The following DTNA variants were observed in gnomAD, a reference collection of about 807,000 sequenced individuals.
DTNA encodes dystrobrevin alpha.
In DTNA, 43 loss-of-function variants were observed where a neutral mutation model predicts 100.7. The observed-to-expected ratio is 0.43, with a 90% CI of 0.33 to 0.55. The LOEUF is 0.55. DTNA is among the 20% of genes least tolerant of loss of function. The pLI, the probability that DTNA is intolerant of heterozygous loss-of-function variation, is 0.04. For synonymous variants in DTNA, 349 were observed against 347.9 expected, an observed-to-expected ratio of 1.00 and a Z score of -0.04; for missense variants, 798 against 953.9, an observed-to-expected ratio of 0.84 and a Z score of 2.15.
chr18:34,801,013 T>G (rs16965970), intron 4 of DTNA, among the ~76,000 whole-genome samples: 18,736 of 152,162 alleles, frequency 0.12, 1,254 homozygotes, highest in African/African-American at 0.17. Flanking sequence ...CAAGTCAAAT[T>G]TTGAAGTAAT....
chr18:34,674,658 A>G (rs2077178032), intron 1 of DTNA, among the ~76,000 whole-genome samples: 1 of 152,224 alleles, frequency 6.6e-6, no homozygotes, highest in South Asian at 2.1e-4. Flanking sequence ...GCCACTCTGT[A>G]CAGGAACCAG....
chr18:34,760,953 C>T (rs2093114176), intron 2 of DTNA, among the ~76,000 whole-genome samples: 2 of 152,140 alleles, frequency 1.3e-5, no homozygotes, highest in African/African-American at 4.8e-5. Flanking sequence ...ACTATCTTCA[C>T]CCATCAACAA....
intron 1 of DTNA, among the ~76,000 whole-genome samples, chr18:34,755,069 T>A (rs1048516591): frequency 2.0e-5 from 3 of 152,186 alleles, no homozygotes; most frequent in Non-Finnish European, 2.9e-5. Flanking sequence ...CAGAAGTCAG[T>A]GTGGTAGACA....
At chr18:34,623,456 CAA>C (rs1437360027) in intron 1 of DTNA, among the ~76,000 whole-genome samples, 3 of 152,128 alleles carry the variant, frequency 2.0e-5, no homozygotes, top group African/African-American at 4.8e-5. Flanking sequence ...CTTGTTTGTA[CAA>C]AGTCACTTTA....
At chr18:34,524,302 C>T (rs73424186) in intron 1 of DTNA, among the ~76,000 whole-genome samples, 2,110 of 152,192 alleles carry the variant, frequency 0.014, 52 homozygotes, top group African/African-American at 0.049. Context: ...TGTACTACTT[C>T]GCATGTGATT....
chr18:34,838,881 C>A lies in DTNA; in HGVS notation c.1346+44C>A, dbSNP rs2096211452. The A allele has an allele frequency of 3.2e-6, 5 of 1,557,100 alleles. 1 individual carries two copies. The highest frequency in any genetic ancestry group is 3.4e-4 in the Middle Eastern group (2 of 5,966). ...GCTTGACTGTCCTTAGAGAGGGATA[C>A]AGTCTGAGCTGGTGACAAGCAGTCT... is the stretch of plus-strand genomic sequence containing the variant. On this transcript the variant is annotated intron_variant, in intron 13 of 22. Transcript: ENST00000444659.
chr18:34,744,839 A>G (rs1261918897), intron 1 of DTNA, among the ~76,000 whole-genome samples: 1 of 152,110 alleles, frequency 6.6e-6, no homozygotes, highest in Non-Finnish European at 1.5e-5. Context: ...TACCCTCGGG[A>G]AAAACAGGGC....
intron 1 of DTNA, among the ~76,000 whole-genome samples, chr18:34,613,761 A>G (rs1412391717): frequency 1.3e-5 from 2 of 152,210 alleles, no homozygotes; most frequent in African/African-American, 4.8e-5. Context: ...CATGAGGTTG[A>G]AAGAAAGAAG....
At chr18:34,495,917 T>C (rs2039143042) in intron 1 of DTNA, among the ~76,000 whole-genome samples, 2 of 152,186 alleles carry the variant, frequency 1.3e-5, no homozygotes, top group Non-Finnish European at 2.9e-5. Flanking sequence ...TTTCACAATA[T>C]TCATTTTATT....
intron 1 of DTNA, among the ~76,000 whole-genome samples, chr18:34,627,873 T>A (rs1385146833): frequency 1.3e-5 from 2 of 152,242 alleles, no homozygotes; most frequent in Non-Finnish European, 2.9e-5. Context: ...TGCTTATATT[T>A]CTTCTAACAT....
chr18:34,868,661 A>T (rs2096733427), intron 17 of DTNA: 1 of 985,270 alleles, frequency 1.0e-6, no homozygotes, highest in African/African-American at 1.7e-5. Context: ...ATACTGGCAT[A>T]TATAATTTCT....
At chr18:34,599,993 G>A (rs769905231) in intron 1 of DTNA, among the ~76,000 whole-genome samples, 2 of 151,964 alleles carry the variant, frequency 1.3e-5, no homozygotes, top group Non-Finnish European at 2.9e-5. Context: ...ATTTCTTTAT[G>A]TATCTTTCAT....
At chr18:34,811,928 T>C (rs1201308178) in intron 5 of DTNA, 31 bp from the exon 6 acceptor site, 1 of 1,613,368 alleles carries the variant, frequency 6.2e-7, no homozygotes, top group Admixed American at 1.7e-5. Flanking sequence ...GTTCATGTGA[T>C]GAATAATATC....
At chr18:34,813,168 T>C (rs1487121444) in intron 6 of DTNA, among the ~76,000 whole-genome samples, 1 of 152,156 alleles carries the variant, frequency 6.6e-6, no homozygotes, top group African/African-American at 2.4e-5. Context: ...CCAAACTAAC[T>C]TTTTTGTCCT....
chr18:34,580,422 T>C (rs1273794970), intron 1 of DTNA, among the ~76,000 whole-genome samples: 1 of 152,152 alleles, frequency 6.6e-6, no homozygotes, highest in East Asian at 1.9e-4. Flanking sequence ...ATAAATAATA[T>C]TTACTCCCAT....
intron 1 of DTNA, among the ~76,000 whole-genome samples, chr18:34,611,789 C>A (rs927814859): frequency 3.8e-4 from 58 of 152,150 alleles, no homozygotes; most frequent in Non-Finnish European, 4.1e-4. Flanking sequence ...AGTGAGATGG[C>A]AGATATAGCA....
intron 16 of DTNA, among the ~76,000 whole-genome samples, chr18:34,860,237 T>G (rs549635758): frequency 0.039 from 5,437 of 138,734 alleles, 104 homozygotes; most frequent in Admixed American, 0.065. Flanking sequence ...TTTTTTTTTT[T>G]TTTTTTTTTT....
chr18:34,829,072 A>G (rs2095934955), intron 10 of DTNA: 1 of 1,614,138 alleles, frequency 6.2e-7, no homozygotes, highest in Non-Finnish European at 8.5e-7. Flanking sequence ...ATGCGTCTAG[A>G]TGGATAACAT....
chr18:34,664,679 G>C (rs1446825668), intron 1 of DTNA, among the ~76,000 whole-genome samples: 1 of 152,126 alleles, frequency 6.6e-6, no homozygotes, highest in Non-Finnish European at 1.5e-5. Context: ...CTATCACAGA[G>C]ACACAAGGAC....
Sources: allele counts gnomAD v4.1 joint callset (sites outside exome capture counted in the v4.1 genomes callset), GRCh38; gene constraint gnomAD v4.1.1; transcripts MANE v1.5; gene names NCBI Gene and HGNC (gene_info 2026-07-23, HGNC 2026-07-21).